The following KIF22 variants were observed in gnomAD, a reference collection of about 807,000 sequenced individuals.
The protein encoded by KIF22 is kinesin-like protein KIF22.
A neutral mutation model predicts 73.0 loss-of-function variants in KIF22; 62 were observed. The observed-to-expected ratio is 0.85, with a 90% confidence interval of 0.69 to 1.05. The LOEUF is 1.05. Ranked by LOEUF, KIF22 falls within the 50% of genes least tolerant of loss-of-function variation. The pLI is 0.00. For synonymous variants in KIF22, 411 were observed against 340.1 expected (o/e 1.21, Z -2.29); for missense variants, 854 against 870.1 (o/e 0.98, Z 0.23).
At chr16:29,802,014 C>T (rs1899153607) in intron 8 of KIF22, among the ~76,000 whole-genome samples, 1 of 152,076 alleles carries the variant, frequency 6.6e-6, no homozygotes, top group Non-Finnish European at 1.5e-5. Context: ...CACCTGTAAT[C>T]CCAGCACTTT....
Position 29,802,267 on chromosome 16 carries a change from CAAAAAAAAAAAA to C in KIF22, c.1281-488_1281-477del, listed in dbSNP as rs71389599. On this transcript the variant is annotated intron_variant, in intron 8 of 13. Transcript: ENST00000160827. ...TGGGTGACAGAGCAAGACCCTGTCT[CAAAAAAAAAAAA>C]AAAAAAAAAAAAAGAATGTTAAGCC... 6.8e-4 allele frequency among the ~76,000 whole-genome samples: 23 copies of C among 33,918 alleles called. 1 individual carries two copies. Among genetic ancestry groups the C allele is most frequent in the East Asian group, 2.5e-3 (3 of 1,194 alleles). The allele number at this position is 33,918 out of a possible 152,430, so 22.3% of individuals were successfully genotyped here. A position where few individuals can be genotyped will look rare whatever the true frequency, so the allele number is the denominator to read the frequency against.
In KIF22 at chr16:29,800,238, C is replaced by G. The variant is rs936971899; in HGVS notation, c.1280+190C>G. 4 of 580,938 alleles carry G rather than the reference C, an allele frequency of 6.9e-6. No homozygotes were observed. The African/African-American group carries it at 7.5e-5, about 11-fold the overall frequency. 36.0% of individuals were successfully genotyped at this position (580,938 alleles called of 1,614,324 possible). A position where few individuals can be genotyped will look rare whatever the true frequency, so the allele number is the denominator to read the frequency against. On this transcript the variant is annotated intron_variant, in intron 8 of 13. Transcript: ENST00000160827. ...GGGAGACTGAGGTTGGGTGGATCAC[C>G]TGAGGTCAGGAGTTCGAGACCAGCC...
Position 29,799,980 on chromosome 16 carries a change from C to G in KIF22, c.1212C>G (p.Gly404=), listed in dbSNP as rs768958608. The change falls in exon 8 of 14, where the codon GGC becomes GGG. Residue 404 remains glycine (G), a synonymous_variant. Coordinates refer to ENST00000160827, the MANE Select transcript of KIF22 (RefSeq NM_007317.3). The stretch of plus-strand genomic sequence containing the variant: ...CACCAGAGGCAAAGAGAGCCCGAGG[C>G]CCTGAGGAAGAGGAGATCGGGAGCC... ...LGPPEAKRAR[G]PEEEEIGSPE... 3.1e-6 allele frequency: 5 copies of G among 1,614,122 alleles called. No homozygotes were observed. The highest frequency in any genetic ancestry group is 4.2e-6 in the Non-Finnish European group (5 of 1,180,018).
chr16:29,801,943 G>C lies in KIF22; in HGVS notation c.1281-826G>C, dbSNP rs151127598. 2.8e-3 allele frequency among the ~76,000 whole-genome samples: 422 copies of C among 152,154 alleles called. 2 individuals carry two copies. The highest frequency in any genetic ancestry group is 9.5e-3 in the African/African-American group (395 of 41,498). On this transcript the variant is annotated intron_variant, in intron 8 of 13. Transcript: ENST00000160827. Reference sequence around the variant, plus strand: ...ATTGATACAGATGTGAGGAGGTGTGGGGCAAGATTCCAGGCAAAATAAATG... The same window carrying C: ...ATTGATACAGATGTGAGGAGGTGTGCGGCAAGATTCCAGGCAAAATAAATG...
chr16:29,798,620 C>T lies in KIF22; in HGVS notation c.422C>T (p.Pro141Leu), dbSNP rs1899017566. 1 of 1,614,124 alleles carries T rather than the reference C, an allele frequency of 6.2e-7. No individual in the cohort carries two copies. The highest frequency in any genetic ancestry group is 8.5e-7 in the Non-Finnish European group (1 of 1,180,022). The change falls in exon 4 of 14, where the codon CCA becomes CTA. Residue 141 changes from proline to leucine, a missense_variant. Physicochemically the swap from Pro to Leu is moderately conservative, Grantham distance 98. Around this residue, in one of 3 missense-constraint regions of KIF22, gnomAD observed 245 missense variants for 351.8 expected, o/e 0.70. Transcript: ENST00000160827. This position sits in a 1 kb window ranked among gnomAD's most constrained non-coding sequence, Gnocchi z 4.1. ...AAGACGCACACAATGCTGGGCAGCC[C>T]AGAGCAACCTGGGGTGATCCCGCGG... ...AGKTHTMLGS[P>L]EQPGVIPRAL...
In KIF22 at chr16:29,805,134, T is replaced by C; in HGVS notation, c.1910T>C (p.Val637Ala). 1.2e-6 allele frequency: 2 copies of C among 1,613,198 alleles called. No homozygotes were observed. The highest frequency in any genetic ancestry group is 1.7e-6 in the Non-Finnish European group (2 of 1,179,902). The part of the protein sequence containing the change: ...PFSQVEDLER[V>A]EGITGKQMES... ...CGCCAGGTGGAGGACCTGGAACGCG[T>C]GGAGGGCATAACGGGGAAACAGATG... The change falls in exon 13 of 14, where the codon GTG becomes GCG. Residue 637 changes from valine (V) to alanine (A), a missense_variant. This residue lies in a region of KIF22 where 423 missense variants were observed against 365.4 expected (regional missense o/e 1.16). Transcript: ENST00000160827.
At chr16:29,800,871 G>A (rs772325783) in intron 8 of KIF22, among the ~76,000 whole-genome samples, 2 of 152,164 alleles carry the variant, frequency 1.3e-5, no homozygotes, top group African/African-American at 2.4e-5. Context: ...GGGGACCTAA[G>A]GAGGCCTCCT....
At chr16:29,792,672 T>A (rs1386553964) in intron 1 of KIF22, among the ~76,000 whole-genome samples, 1 of 152,170 alleles carries the variant, frequency 6.6e-6, no homozygotes, top group Non-Finnish European at 1.5e-5. Context: ...GTTTTTGGTT[T>A]TGTTTTTTAA....
intron 1 of KIF22, among the ~76,000 whole-genome samples, chr16:29,796,237 C>T (rs1898944812): frequency 7.0e-6 from 1 of 142,552 alleles, no homozygotes; most frequent in Admixed American, 7.3e-5. Context: ...TGCCACTGCA[C>T]TCCAGCCTGG....
chr16:29,799,765 G>C lies in KIF22; in HGVS notation c.1128G>C (p.Glu376Asp), dbSNP rs1402826072. 1 of 1,613,492 alleles carries C rather than the reference G, an allele frequency of 6.2e-7. No homozygotes were observed. The highest frequency in any genetic ancestry group is 8.5e-7 in the Non-Finnish European group (1 of 1,179,700). ...KEVINRPFTN[E>D]SLQPHALGPV... ...TGATCAATCGGCCTTTTACCAATGA[G>C]AGCCTGCAGCCTCATGGTGAGAACT... Residue 376 changes from glutamate to aspartate, a missense_variant, in exon 7 of 14, where the codon GAG becomes GAC. Around this residue, in one of 3 missense-constraint regions of KIF22, gnomAD observed 423 missense variants for 365.4 expected, o/e 1.16. Coordinates refer to ENST00000160827, the MANE Select transcript of KIF22 (RefSeq NM_007317.3).
Position 29,805,017 on chromosome 16 carries a change from C to G in KIF22, c.1881C>G (p.Pro627=). The change falls in exon 12 of 14, where the codon CCC becomes CCG. Residue 627 remains proline, a synonymous_variant. Coordinates refer to ENST00000160827, the MANE Select transcript of KIF22 (RefSeq NM_007317.3). ...TGGGCTGGCGGGAGCTCCACGGCCC[C>G]TTCAGCCAGGTAGCAGCCCACTGGA... ...LIVGWRELHG[P]FSQVEDLERV... is the part of the protein sequence containing the mutation. The G allele has an allele frequency of 1.2e-6, 2 of 1,608,508 alleles. No homozygotes were observed. Among genetic ancestry groups the G allele is most frequent in the Non-Finnish European group, 1.7e-6 (2 of 1,176,904 alleles).
At chr16:29,804,184 A>G (rs778698345) in intron 11 of KIF22, 119 bp downstream of exon 11, 49 of 776,214 alleles carry the variant, frequency 6.3e-5, no homozygotes, top group Non-Finnish European at 1.0e-4. Flanking sequence ...GCCAGCTACT[A>G]ACAGACCTCA....
At chr16:29,804,135 G>A (rs754988434) in intron 11 of KIF22, 70 bp downstream of exon 11, 1 of 1,292,472 alleles carries the variant, frequency 7.7e-7, no homozygotes, top group South Asian at 1.2e-5. Flanking sequence ...CTAGGGGGAG[G>A]AGCGTTGGCC....
intron 9 of KIF22, 96 bp from the exon 10 acceptor site, chr16:29,803,353 G>C (rs1207260324): frequency 3.4e-6 from 5 of 1,459,024 alleles, no homozygotes; most frequent in Non-Finnish European, 4.7e-6. Context: ...TGCCCTCTGG[G>C]GGCTCAGAGC....
rs1491515767 is a variant in KIF22 at position 29,805,043 on chromosome 16, CTG to C, written c.1890+18_1890+19del. 2.5e-6 allele frequency: 2 copies of C among 784,324 alleles called. No homozygotes were observed. The highest frequency in any genetic ancestry group is 4.1e-6 in the Non-Finnish European group (2 of 486,556). The allele number at this position is 784,324 out of a possible 1,614,324, so 48.6% of individuals were successfully genotyped here. ...TTCAGCCAGGTAGCAGCCCACTGGA[CTG>C]GGGGAGGGCGGGGGCGGGGGAGACC... On this transcript the variant is annotated intron_variant, in intron 12 of 13. Transcript: ENST00000160827.
chr16:29,793,464 A>G (rs889940711), intron 1 of KIF22, among the ~76,000 whole-genome samples: 3 of 152,194 alleles, frequency 2.0e-5, no homozygotes, highest in Non-Finnish European at 4.4e-5. Context: ...GCAGCCGTTC[A>G]GAACGTGGGC....
In KIF22 at chr16:29,805,191, G is replaced by GC; in HGVS notation, c.1950+21dup. On this transcript the variant is annotated intron_variant, in intron 13 of 13. Transcript: ENST00000160827. Reference sequence around the variant, plus strand: ...TTCCTGAAGGTGAAGTCACGGCCCTGCCCCTCCTCTGCCTGTCCTGCGCCC... The same window carrying GC: ...TTCCTGAAGGTGAAGTCACGGCCCTGCCCCCTCCTCTGCCTGTCCTGCGCCC... 1 of 1,614,150 alleles carries GC rather than the reference G, an allele frequency of 6.2e-7. No individual in the cohort carries two copies. Among genetic ancestry groups the GC allele is most frequent in the Non-Finnish European group, 8.5e-7 (1 of 1,180,020 alleles).
At chr16:29,795,680 C>T (rs1436511661) in intron 1 of KIF22, among the ~76,000 whole-genome samples, 1 of 152,154 alleles carries the variant, frequency 6.6e-6, no homozygotes, top group African/African-American at 2.4e-5. Context: ...ATTTTCAGCT[C>T]ATTTAACCCC....
In KIF22 at chr16:29,799,110, A is replaced by G. The variant is rs771954040; in HGVS notation, c.685A>G (p.Ser229Gly). 8.1e-6 allele frequency: 13 copies of G among 1,614,066 alleles called. No individual in the cohort carries two copies. The highest frequency in any genetic ancestry group is 1.1e-5 in the Non-Finnish European group (13 of 1,180,048). ...ADFERHFLPASRNRTVGATRL... is the reference protein window; with the variant it reads ...ADFERHFLPAGRNRTVGATRL... ...TTTTGAGCGGCACTTCCTGCCAGCC[A>G]GTCGAAATCGGACTGTAGGAGCCAC... Residue 229 changes from serine to glycine, a missense_variant, in exon 5 of 14, where the codon AGT becomes GGT. By Grantham distance (56) the Ser-to-Gly change is moderately conservative. This residue lies in a region of KIF22 where 245 missense variants were observed against 351.8 expected (regional missense o/e 0.70). Coordinates refer to ENST00000160827, the MANE Select transcript of KIF22 (RefSeq NM_007317.3).
Sources: gnomAD v4.1 joint callset for allele counts (sites outside exome capture counted in the v4.1 genomes callset) on GRCh38, gnomAD v4.1.1 for gene constraint, gnomAD v4.1.1 regional missense constraint, Gnocchi (gnomAD v3.1) non-coding constraint, MANE v1.5 for transcripts, NCBI Gene and HGNC (gene_info 2026-07-23, HGNC 2026-07-21) for gene names.